EPHA6: variants seen among roughly 807,000 people sequenced by gnomAD.
EPHA6 encodes ephrin type-A receptor 6.
In EPHA6, 50 loss-of-function variants were observed where a neutral mutation model predicts 112.0. The ratio of observed to expected loss-of-function variants is 0.45; its 90% CI spans 0.36 to 0.56. The LOEUF is 0.56. EPHA6 is among the 20% of genes least tolerant of loss of function. The pLI, the probability that EPHA6 is intolerant of heterozygous loss-of-function variation, is 0.00. For synonymous variants in EPHA6, 529 were observed against 490.7 expected (o/e 1.08, Z -1.03); for missense variants, 1,280 against 1,417.4 (o/e 0.90, Z 1.56).
intron 7 of EPHA6, among the ~76,000 whole-genome samples, chr3:97,466,759 T>C (rs2091069094): frequency 6.6e-6 from 1 of 151,950 alleles, no homozygotes; most frequent in South Asian, 2.1e-4. Context: ...TAAATTATTA[T>C]GACCTCTTCC....
Position 97,207,379 on chromosome 3 carries a change from T to A in EPHA6, c.1115-18885T>A, listed in dbSNP as rs1191432373. 2.0e-5 allele frequency among the ~76,000 whole-genome samples: 3 copies of A among 152,162 alleles called. No individual in the cohort carries two copies. In the East Asian group the frequency reaches 5.8e-4, roughly 29 times the overall value. ...AGTTTATTCTCACAAGTGCCCATAC[T>A]CTGATGTTAAGATGGTCAAGGAATC... On this transcript the variant is annotated intron_variant, in intron 3 of 17. Coordinates refer to ENST00000389672, the MANE Select transcript of EPHA6 (RefSeq NM_001080448.3).
At chr3:97,298,784 A>G (rs578089811) in intron 5 of EPHA6, among the ~76,000 whole-genome samples, 4 of 152,042 alleles carry the variant, frequency 2.6e-5, no homozygotes, top group Admixed American at 2.6e-4. Context: ...ATTTTCTTCT[A>G]AAAAAAATTC....
At chr3:96,880,516 T>C (rs2037249334) in intron 2 of EPHA6, among the ~76,000 whole-genome samples, 1 of 151,828 alleles carries the variant, frequency 6.6e-6, no homozygotes. Context: ...GCTAATATTT[T>C]CCCCCCTTTT....
In EPHA6 at chr3:96,962,185, T is replaced by A. The variant is rs1050240124; in HGVS notation, c.451-25145T>A. 6.6e-5 allele frequency among the ~76,000 whole-genome samples: 10 copies of A among 152,160 alleles called. 1 individual carries two copies. In the South Asian group the frequency reaches 2.1e-3, roughly 32 times the overall value. ...CCAGCCTTCACACACAGAGCTGATG[T>A]TAGAGCATCCTGAAAGGTCTAAGGA... is the stretch of plus-strand genomic sequence containing the variant. On this transcript the variant is annotated intron_variant, in intron 2 of 17. Coordinates refer to ENST00000389672, the MANE Select transcript of EPHA6 (RefSeq NM_001080448.3).
At chr3:97,225,131 A>G (rs1202271648) in intron 3 of EPHA6, among the ~76,000 whole-genome samples, 1 of 151,924 alleles carries the variant, frequency 6.6e-6, no homozygotes, top group Non-Finnish European at 1.5e-5. Context: ...GATCTTTTGT[A>G]TTTTTAGTAG....
At chr3:97,408,428 C>G (rs890086298) in intron 6 of EPHA6, among the ~76,000 whole-genome samples, 2 of 151,952 alleles carry the variant, frequency 1.3e-5, no homozygotes, top group South Asian at 2.1e-4. Flanking sequence ...CTACTTTTCC[C>G]TCTTTCCTCT....
At chr3:97,476,483 T>C (rs1422670835) in intron 8 of EPHA6, among the ~76,000 whole-genome samples, 1 of 152,130 alleles carries the variant, frequency 6.6e-6, no homozygotes, top group Non-Finnish European at 1.5e-5. Context: ...GCACCTTCAG[T>C]GAACCGAAAA....
intron 14 of EPHA6, among the ~76,000 whole-genome samples, chr3:97,714,849 A>C (rs950323811): frequency 6.6e-6 from 1 of 152,238 alleles, no homozygotes; most frequent in Non-Finnish European, 1.5e-5. Flanking sequence ...TATAACTTAA[A>C]GTCATCCTCC....
chr3:96,946,545 G>A, intron 2 of EPHA6, among the ~76,000 whole-genome samples: 1 of 152,110 alleles, frequency 6.6e-6, no homozygotes, highest in South Asian at 2.1e-4. Flanking sequence ...TGGTGTATAT[G>A]TGCCACATTT....
intron 3 of EPHA6, among the ~76,000 whole-genome samples, chr3:97,143,770 T>G (rs1451108945): frequency 6.6e-6 from 1 of 151,736 alleles, no homozygotes; most frequent in Non-Finnish European, 1.5e-5. Flanking sequence ...TGTAGAACTG[T>G]CAACCCAATA....
intron 2 of EPHA6, among the ~76,000 whole-genome samples, chr3:96,942,105 G>C (rs1189054264): frequency 6.6e-6 from 1 of 152,192 alleles, no homozygotes; most frequent in Non-Finnish European, 1.5e-5. Flanking sequence ...CAGATCTCCA[G>C]CTGCGTGCTG....
At chr3:96,900,805 G>A (rs899056257) in intron 2 of EPHA6, among the ~76,000 whole-genome samples, 1 of 152,208 alleles carries the variant, frequency 6.6e-6, no homozygotes, top group African/African-American at 2.4e-5. Context: ...CTTGTTATGA[G>A]GAGGAGGACA....
At chr3:97,448,793 T>C (rs1489494484) in intron 7 of EPHA6, 63 bp downstream of exon 7, 2 of 1,556,774 alleles carry the variant, frequency 1.3e-6, no homozygotes, top group Admixed American at 3.4e-5. Flanking sequence ...TTTGACCTGA[T>C]ATTTTAAAAC....
intron 1 of EPHA6, among the ~76,000 whole-genome samples, chr3:96,819,447 C>T (rs2033075555): frequency 6.6e-6 from 1 of 152,062 alleles, no homozygotes; most frequent in South Asian, 2.1e-4. Context: ...CTCTCTTTCT[C>T]TCTCCCACCT....
chr3:97,416,912 A>G (rs2107163675), intron 6 of EPHA6, among the ~76,000 whole-genome samples: 1 of 152,172 alleles, frequency 6.6e-6, no homozygotes, highest in South Asian at 2.1e-4. Context: ...TATACCTCTC[A>G]TTCTCTTCTT....
chr3:97,176,572 C>A (rs773667930), intron 3 of EPHA6, among the ~76,000 whole-genome samples: 2 of 151,774 alleles, frequency 1.3e-5, no homozygotes, highest in Middle Eastern at 3.4e-3. Context: ...ATTTTTGTTA[C>A]TTTTTATTGG....
intron 5 of EPHA6, among the ~76,000 whole-genome samples, chr3:97,265,278 A>G (rs1325283143): frequency 6.6e-6 from 1 of 152,174 alleles, no homozygotes; most frequent in Non-Finnish European, 1.5e-5. Context: ...ACCTTTGCCC[A>G]GGAGCTTGTC....
At chr3:97,079,438 G>C (rs1428093217) in intron 3 of EPHA6, among the ~76,000 whole-genome samples, 1 of 151,902 alleles carries the variant, frequency 6.6e-6, no homozygotes, top group African/African-American at 2.4e-5. Context: ...AAACACACTG[G>C]GCCTATCAGA....
chr3:97,571,436 A>G (rs185365917), intron 11 of EPHA6, among the ~76,000 whole-genome samples: 1 of 152,180 alleles, frequency 6.6e-6, no homozygotes. Flanking sequence ...ATGTTAGGCA[A>G]TTTCTCCAAA....
Sources: allele counts gnomAD v4.1 joint callset (sites outside exome capture counted in the v4.1 genomes callset), GRCh38; gene constraint gnomAD v4.1.1; transcripts MANE v1.5; gene names NCBI Gene and HGNC (gene_info 2026-07-23, HGNC 2026-07-21).